The following FMN2 variants were observed in gnomAD, a reference collection of about 807,000 sequenced individuals.
FMN2 encodes the protein formin-2.
FMN2 carries 51 observed loss-of-function variants against 142.3 expected under a neutral mutation model. The observed-to-expected ratio is 0.36, with a 90% CI of 0.29 to 0.45. FMN2 has a LOEUF of 0.45. Among genes scored for constraint, FMN2 ranks in the 20% least tolerant of loss-of-function variants. The pLI, the probability that FMN2 is intolerant of heterozygous loss-of-function variation, is 1.00. For synonymous variants in FMN2, 882 were observed against 869.8 expected (o/e 1.01, Z -0.25); for missense variants, 1,936 against 2,122.8 (o/e 0.91, Z 1.73).
intron 15 of FMN2, among the ~76,000 whole-genome samples, chr1:240,437,141 T>C (rs898441005): frequency 1.3e-5 from 2 of 152,110 alleles, no homozygotes; most frequent in Non-Finnish European, 2.9e-5. Context: ...TCTTCTGAGC[T>C]CCATATAGCT....
intron 6 of FMN2, among the ~76,000 whole-genome samples, chr1:240,230,717 T>G (rs1180428588): frequency 7.5e-6 from 1 of 132,454 alleles, no homozygotes; most frequent in Admixed American, 7.2e-5. Context: ...TCCTGTATAA[T>G]GTTGTTGGTG....
At chr1:240,386,996 A>G (rs1673427529) in intron 14 of FMN2, among the ~76,000 whole-genome samples, 1 of 152,176 alleles carries the variant, frequency 6.6e-6, no homozygotes, top group Non-Finnish European at 1.5e-5. Context: ...AGCATTTGAG[A>G]TTTGCGGGGT....
At chr1:240,290,971 A>C (rs1053763862) in intron 7 of FMN2, among the ~76,000 whole-genome samples, 8 of 150,452 alleles carry the variant, frequency 5.3e-5, no homozygotes, top group Non-Finnish European at 1.0e-4. Context: ...GCACCACCAC[A>C]CCTGGCTAAT....
intron 13 of FMN2, among the ~76,000 whole-genome samples, chr1:240,336,417 A>G (rs1009304296): frequency 6.6e-6 from 1 of 152,094 alleles, no homozygotes; most frequent in African/African-American, 2.4e-5. Flanking sequence ...TTGGCCAACA[A>G]TGATCACATT....
chr1:240,379,882 TA>T (rs562545142), intron 14 of FMN2, among the ~76,000 whole-genome samples: 243 of 152,124 alleles, frequency 1.6e-3, no homozygotes, highest in African/African-American at 5.5e-3. Flanking sequence ...AAAGTGGAAA[TA>T]TTTTTCCACT....
intron 16 of FMN2, among the ~76,000 whole-genome samples, chr1:240,442,057 G>T (rs1675638265): frequency 6.6e-6 from 1 of 152,092 alleles, no homozygotes; most frequent in African/African-American, 2.4e-5. Context: ...CTGTGAGTGT[G>T]GTTAGTCAGC....
chr1:240,298,508 T>C (rs1670071698), intron 8 of FMN2, among the ~76,000 whole-genome samples: 1 of 152,144 alleles, frequency 6.6e-6, no homozygotes, highest in Non-Finnish European at 1.5e-5. Flanking sequence ...CCAGTACCAT[T>C]CTGTGGCCTG....
intron 14 of FMN2, among the ~76,000 whole-genome samples, chr1:240,365,190 C>T (rs1250132329): frequency 7.0e-6 from 1 of 142,286 alleles, no homozygotes; most frequent in Non-Finnish European, 1.5e-5. Context: ...CATATATATA[C>T]ATACATATGT....
intron 6 of FMN2, among the ~76,000 whole-genome samples, chr1:240,220,584 T>C (rs1667065858): frequency 1.3e-5 from 2 of 152,044 alleles, no homozygotes; most frequent in Admixed American, 6.6e-5. Flanking sequence ...CAGAGCAAGA[T>C]GTGGTGTCCC....
At chr1:240,409,286 C>T (rs547762305) in intron 15 of FMN2, among the ~76,000 whole-genome samples, 8 of 152,130 alleles carry the variant, frequency 5.3e-5, no homozygotes, top group Admixed American at 3.3e-4. Flanking sequence ...GGACCGCAGG[C>T]GTACACCACC....
At chr1:240,282,780 A>G (rs758268556) in intron 7 of FMN2, among the ~76,000 whole-genome samples, 17 of 152,208 alleles carry the variant, frequency 1.1e-4, no homozygotes, top group Non-Finnish European at 2.4e-4. Context: ...ATATGGTAGC[A>G]AGTGTCTTCC....
At position 240,092,723 on chromosome 1, in the gene FMN2, T is replaced by A. The variant is rs1661030855; in HGVS notation, c.614T>A (p.Leu205Gln). ...TCAGACATCCAGCAGGCGATCCGCC[T>A]GCAGCAGCAGCAGCAGCAGCAGCTC... ...LLSDIQQAIRLQQQQQQQLQL... is the reference protein window; with the variant it reads ...LLSDIQQAIRQQQQQQQQLQL... The change falls in exon 1 of 18, where the codon CTG (leucine) becomes CAG (glutamine). Residue 205 changes from leucine to glutamine, a missense_variant. By Grantham distance (113) the Leu-to-Gln change is moderately radical (BLOSUM62 -2). This residue lies in a region of FMN2 where 751 missense variants were observed against 791.8 expected (regional missense o/e 0.95). Coordinates refer to ENST00000319653, the MANE Select transcript of FMN2 (RefSeq NM_020066.5). 2 of 1,612,936 alleles carry A rather than the reference T, an allele frequency of 1.2e-6. No individual in the cohort carries two copies. Among genetic ancestry groups the A allele is most frequent in the South Asian group, 1.1e-5 (1 of 91,054 alleles).
chr1:240,330,619 C>G lies in FMN2; in HGVS notation c.4454C>G (p.Pro1485Arg), dbSNP rs1028265515. ...GTTTTACAGACATTAAAAAATGGCC[C>G]AGGGGTTATGCAGGTTCTAGGTTTG... Reference protein sequence around the residue: ...QKLCETLKNGPGVMQVLGLVL... With the variant: ...QKLCETLKNGRGVMQVLGLVL... Residue 1485 changes from proline to arginine, a missense_variant, in exon 11 of 18, where the codon CCA becomes CGA. Physicochemically the swap from Pro to Arg is moderately radical, Grantham distance 103 (BLOSUM62 -2). Transcript: ENST00000319653. 3 of 1,613,302 alleles carry G rather than the reference C, an allele frequency of 1.9e-6. No individual in the cohort carries two copies. The highest frequency in any genetic ancestry group is 2.5e-6 in the Non-Finnish European group (3 of 1,179,722).
intron 4 of FMN2, among the ~76,000 whole-genome samples, chr1:240,199,752 A>G (rs1368891802): frequency 6.6e-6 from 1 of 152,198 alleles, no homozygotes; most frequent in South Asian, 2.1e-4. Context: ...AATAATCTCA[A>G]AATTGGTAAT....
At chr1:240,474,074 C>A in intron 17 of FMN2, 54 bp from the exon 18 acceptor site, 1 of 1,480,844 alleles carries the variant, frequency 6.8e-7, no homozygotes, top group East Asian at 2.4e-5. Context: ...AAATTCTTTC[C>A]ATTTTTAAAA....
chr1:240,168,644 GT>G (rs1474547245), intron 2 of FMN2, among the ~76,000 whole-genome samples: 7 of 151,996 alleles, frequency 4.6e-5, no homozygotes, highest in Non-Finnish European at 1.0e-4. Context: ...GTAATAATGT[GT>G]TTATTGCTAC....
intron 6 of FMN2, among the ~76,000 whole-genome samples, chr1:240,232,814 A>G (rs1451562915): frequency 6.6e-6 from 1 of 152,144 alleles, no homozygotes; most frequent in African/African-American, 2.4e-5. Flanking sequence ...CTTCCTTATA[A>G]TAGTCTACTA....
intron 14 of FMN2, among the ~76,000 whole-genome samples, chr1:240,392,079 A>G (rs774584596): frequency 1.3e-5 from 2 of 151,678 alleles, no homozygotes; most frequent in African/African-American, 2.4e-5. Flanking sequence ...AATTCTTAAC[A>G]TAACTGAGAA....
At position 240,092,757 on chromosome 1, in the gene FMN2, G is replaced by A. The variant is rs1572737151; in HGVS notation, c.648G>A (p.Gln216=). Residue 216 remains glutamine, a synonymous_variant, in exon 1 of 18, where the codon CAG becomes CAA. Coordinates refer to ENST00000319653, the MANE Select transcript of FMN2 (RefSeq NM_020066.5). ...QQQQQQQLQL[Q]LQQQQQQQQL... is the part of the protein sequence containing the mutation. The stretch of plus-strand genomic sequence containing the variant: ...AGCAGCAGCAGCAGCTCCAGCTCCA[G>A]CTCCAGCAACAGCAGCAGCAGCAGC... 2 of 1,611,952 alleles carry A rather than the reference G, an allele frequency of 1.2e-6. No individual in the cohort carries two copies. Among genetic ancestry groups the A allele is most frequent in the Non-Finnish European group, 1.7e-6 (2 of 1,179,354 alleles).
Sources: gnomAD v4.1 joint callset for allele counts (sites outside exome capture counted in the v4.1 genomes callset) on GRCh38, gnomAD v4.1.1 for gene constraint, gnomAD v4.1.1 regional missense constraint, MANE v1.5 for transcripts, NCBI Gene and HGNC (gene_info 2026-07-23, HGNC 2026-07-21) for gene names.